The following LATS2 variants were observed in gnomAD, a reference collection of about 807,000 sequenced individuals.
The protein encoded by LATS2 is serine/threonine-protein kinase LATS2.
In LATS2, 24 loss-of-function variants were observed where a neutral mutation model predicts 76.0. That is an observed-to-expected ratio of 0.32 (90% CI 0.23 to 0.44). LATS2 has a LOEUF of 0.44. Among genes scored for constraint, LATS2 ranks in the 20% least tolerant of loss-of-function variants. The pLI, the probability that LATS2 is intolerant of heterozygous loss-of-function variation, is 1.00. For missense variants in LATS2, 1,286 were observed against 1,481.2 expected (o/e 0.87, Z 2.16); for synonymous variants, 692 against 635.4 (o/e 1.09, Z -1.34).
At chr13:21,029,893 G>A (rs1252708450) in intron 2 of LATS2, among the ~76,000 whole-genome samples, 2 of 151,350 alleles carry the variant, frequency 1.3e-5, no homozygotes, top group African/African-American at 2.4e-5. Context: ...TCAGGAGATG[G>A]CAGGCAGGTC....
chr13:21,052,171 C>T (rs780672524), intron 1 of LATS2, among the ~76,000 whole-genome samples: 5 of 152,180 alleles, frequency 3.3e-5, no homozygotes, highest in Non-Finnish European at 7.3e-5. Flanking sequence ...CACAGTGGTG[C>T]TGTGTGTGAC....
rs934267586 is a variant in LATS2, at chr13:20,988,727, C to G, written c.1053G>C (p.Ser351=). Residue 351 remains serine (S), a synonymous_variant, in exon 4 of 8, where the codon TCG becomes TCC. Coordinates refer to ENST00000382592, the MANE Select transcript of LATS2 (RefSeq NM_014572.3). ...ACAGGTCCACGTTGAGGCTGTTCCGCGAGGGAGTGAGCAGGCTCTGCGGGG... is the reference window on the plus strand; with the variant it reads ...ACAGGTCCACGTTGAGGCTGTTCCGGGAGGGAGTGAGCAGGCTCTGCGGGG... ...DSPPQSLLTP[S]RNSLNVDLYE... 1 of 1,566,428 alleles carries G rather than the reference C, an allele frequency of 6.4e-7. No individual in the cohort carries two copies.
chr13:21,048,845 A>AAAAAAT (rs374488676), intron 1 of LATS2, among the ~76,000 whole-genome samples: 8 of 152,104 alleles, frequency 5.3e-5, no homozygotes, highest in East Asian at 1.9e-4. Context: ...CTCAAAAAAT[A>AAAAAAT]AAAAATAAAA....
chr13:21,021,819 G>A (rs1449746493), intron 2 of LATS2, among the ~76,000 whole-genome samples: 3 of 152,210 alleles, frequency 2.0e-5, no homozygotes, highest in Non-Finnish European at 4.4e-5. Context: ...ATGCACTGTA[G>A]CCCTCACAGA....
chr13:21,038,376 T>A (rs1260485428), intron 2 of LATS2, among the ~76,000 whole-genome samples: 2 of 152,006 alleles, frequency 1.3e-5, no homozygotes, highest in Non-Finnish European at 2.9e-5. Context: ...CTTTTTTTTT[T>A]AATTTAAAAA....
chr13:21,037,275 G>A (rs563374637), intron 2 of LATS2, among the ~76,000 whole-genome samples: 7 of 152,176 alleles, frequency 4.6e-5, no homozygotes, highest in African/African-American at 1.4e-4. Flanking sequence ...ATGACGGTGG[G>A]TGCCTGTAAT....
Position 20,983,707 on chromosome 13 carries a change from T to G in LATS2, c.1999A>C (p.Met667Leu), listed in dbSNP as rs145120725. The change falls in exon 5 of 8, where the codon ATG becomes CTG. Residue 667 changes from methionine to leucine, a missense_variant. Physicochemically the swap from Met to Leu is conservative, Grantham distance 15. This residue lies in a region of LATS2 where 247 missense variants were observed against 385.4 expected (regional missense o/e 0.64). Coordinates refer to ENST00000382592, the MANE Select transcript of LATS2 (RefSeq NM_014572.3). The stretch of plus-strand genomic sequence containing the variant: ...CCCAGGGTTTTGATCTTGACAAACA[T>G]AGACTTGTCCATCTTGGCCCTCTTT... ...RLKRAKMDKSMFVKIKTLGIG... is the reference protein window; with the variant it reads ...RLKRAKMDKSLFVKIKTLGIG... 1 of 1,614,174 alleles carries G rather than the reference T, an allele frequency of 6.2e-7. No individual in the cohort carries two copies. Among genetic ancestry groups the G allele is most frequent in the Non-Finnish European group, 8.5e-7 (1 of 1,180,010 alleles).
intron 2 of LATS2, among the ~76,000 whole-genome samples, chr13:21,019,291 T>G (rs1279738837): frequency 7.7e-6 from 1 of 130,036 alleles, no homozygotes; most frequent in Non-Finnish European, 1.6e-5. Context: ...TATTCTCACT[T>G]GGATTTGTTA....
chr13:21,011,105 G>T (rs1871577230), intron 2 of LATS2, among the ~76,000 whole-genome samples: 1 of 152,208 alleles, frequency 6.6e-6, no homozygotes, highest in African/African-American at 2.4e-5. Context: ...TAGTGATGGT[G>T]GCATGTTGAT....
rs113887799 is a variant in LATS2, at chr13:21,025,126, T to A, written c.342+20559A>T. On this transcript the variant is annotated intron_variant, in intron 2 of 7. Transcript: ENST00000382592. ...TCTGTAAGACACCTTTAATGAGGTA[T>A]AATTTATGGTCACGGGGCCAGGTGC... Among the ~76,000 whole-genome samples the A allele has an allele frequency of 1.6e-3, 240 of 151,814 alleles. 1 individual carries two copies. The highest frequency in any genetic ancestry group is 5.2e-3 in the African/African-American group (217 of 41,366).
chr13:20,974,673 A>G lies in LATS2; in HGVS notation c.*197T>C. On this transcript the variant is annotated 3_prime_UTR_variant, in exon 8 of 8. Coordinates refer to ENST00000382592, the MANE Select transcript of LATS2 (RefSeq NM_014572.3). ...ATGCAGTGAAGGTCCTGAAAAGCCT[A>G]TTGAAAGCGATGCTGAGTCCTGTTT... is the stretch of plus-strand genomic sequence containing the variant. 1 of 583,180 alleles carries G rather than the reference A, an allele frequency of 1.7e-6. No individual in the cohort carries two copies. Among genetic ancestry groups the G allele is most frequent in the South Asian group, 2.4e-5 (1 of 42,484 alleles). The allele number at this position is 583,180 out of a possible 1,614,324, so 36.1% of individuals were successfully genotyped here.
At chr13:21,019,337 ATTATTT>A (rs1385296796) in intron 2 of LATS2, among the ~76,000 whole-genome samples, 4 of 106,636 alleles carry the variant, frequency 3.8e-5, no homozygotes, top group African/African-American at 6.1e-5. Flanking sequence ...TATTATTATT[ATTATTT>A]GAGACAGAGT....
intron 2 of LATS2, among the ~76,000 whole-genome samples, chr13:21,026,413 C>T (rs1319086286): frequency 6.6e-6 from 1 of 152,122 alleles, no homozygotes; most frequent in African/African-American, 2.4e-5. Context: ...GATTTTGAAG[C>T]CCATTGATGC....
At chr13:21,055,250 C>T (rs7324879) in intron 1 of LATS2, among the ~76,000 whole-genome samples, 121,902 of 152,108 alleles carry the variant, frequency 0.8, 49,518 homozygotes, top group South Asian at 0.91. Flanking sequence ...ACTTCACATA[C>T]GGGAAATTTT....
chr13:20,988,652 G>A lies in LATS2; in HGVS notation c.1128C>T (p.Ala376=). ...CCGGCTTCTGCAGGGAGTCCCGGCGGGCCAGGGTGGCAGCCGGCCACTGCT... is the reference window on the plus strand; with the variant it reads ...CCGGCTTCTGCAGGGAGTCCCGGCGAGCCAGGGTGGCAGCCGGCCACTGCT... ...SVQQWPAATL[A]RRDSLQKPGL... is the part of the protein sequence containing the mutation. Residue 376 remains alanine, a synonymous_variant, in exon 4 of 8, where the codon GCC becomes GCT. Coordinates refer to ENST00000382592, the MANE Select transcript of LATS2 (RefSeq NM_014572.3). The A allele has an allele frequency of 2.5e-6, 4 of 1,579,738 alleles. No individual in the cohort carries two copies. Among genetic ancestry groups the A allele is most frequent in the African/African-American group, 1.4e-5 (1 of 73,832 alleles).
chr13:20,994,291 GT>G (rs1368875061), intron 2 of LATS2, among the ~76,000 whole-genome samples: 1 of 152,174 alleles, frequency 6.6e-6, no homozygotes, highest in Non-Finnish European at 1.5e-5. Flanking sequence ...GCTTGCCCTT[GT>G]TATCTGTCCA....
At chr13:21,023,149 GC>G (rs59757801) in intron 2 of LATS2, 38,707 of 151,998 alleles carry the variant, frequency 0.25, 5,265 homozygotes, top group African/African-American at 0.34. Flanking sequence ...TGCATCGAGG[GC>G]TCCGGGCTCC....
intron 2 of LATS2, among the ~76,000 whole-genome samples, chr13:21,008,879 A>T (rs1871461351): frequency 6.6e-6 from 1 of 152,212 alleles, no homozygotes; most frequent in Admixed American, 6.5e-5. Context: ...AGACATAAAA[A>T]AGAATACTCA....
intron 2 of LATS2, among the ~76,000 whole-genome samples, chr13:21,044,731 TG>T (rs1873002470): frequency 7.3e-6 from 1 of 137,128 alleles, no homozygotes. Flanking sequence ...TGTGTGTGTG[TG>T]TGTGTGTTTT....
Sources: allele counts gnomAD v4.1 joint callset (sites outside exome capture counted in the v4.1 genomes callset), GRCh38; gene constraint gnomAD v4.1.1; regional missense constraint gnomAD v4.1.1; transcripts MANE v1.5; gene names NCBI Gene and HGNC (gene_info 2026-07-23, HGNC 2026-07-21).